MPZL1: variants seen among roughly 807,000 people sequenced by gnomAD.
The protein encoded by MPZL1 is myelin protein zero-like protein 1.
In MPZL1, 16 loss-of-function variants were observed where a neutral mutation model predicts 29.3. The observed-to-expected ratio is 0.55, with a 90% confidence interval of 0.37 to 0.83. MPZL1 has a LOEUF of 0.83. MPZL1 is among the 40% of genes least tolerant of loss of function. The pLI is 0.00. For synonymous variants in MPZL1, 143 were observed against 132.0 expected, an observed-to-expected ratio of 1.08 and a Z score of -0.57; for missense variants, 279 against 332.9, an observed-to-expected ratio of 0.84 and a Z score of 1.26.
chr1:167,773,171 A>T, intron 3 of MPZL1, 65 bp from the exon 4 acceptor site: 1 of 1,507,252 alleles, frequency 6.6e-7, no homozygotes. Flanking sequence ...TCGTTAATTT[A>T]ATAAAATTCC....
chr1:167,776,360 A>G (rs1661368678), intron 5 of MPZL1, among the ~76,000 whole-genome samples, 194 bp downstream of exon 5: 1 of 152,206 alleles, frequency 6.6e-6, no homozygotes, highest in Non-Finnish European at 1.5e-5. Context: ...TGTGGTGAAG[A>G]ATCTGCTTGA....
intron 1 of MPZL1, among the ~76,000 whole-genome samples, chr1:167,758,645 G>T (rs1207810634): frequency 1.3e-5 from 2 of 151,958 alleles, no homozygotes; most frequent in African/African-American, 4.8e-5. Context: ...TGATTCCACA[G>T]ACTTTTTGAT....
chr1:167,769,857 G>A (rs1237832015), intron 2 of MPZL1, among the ~76,000 whole-genome samples: 1 of 152,160 alleles, frequency 6.6e-6, no homozygotes, highest in Non-Finnish European at 1.5e-5. Context: ...TATTGTCAGT[G>A]GGAACCGAAT....
At chr1:167,766,859 T>C (rs1360900134) in intron 2 of MPZL1, among the ~76,000 whole-genome samples, 1 of 152,226 alleles carries the variant, frequency 6.6e-6, no homozygotes, top group Non-Finnish European at 1.5e-5. Flanking sequence ...TATTTCTCTC[T>C]CAGGTAGAAA....
chr1:167,747,865 C>T (rs1047634048), intron 1 of MPZL1, among the ~76,000 whole-genome samples: 2 of 152,100 alleles, frequency 1.3e-5, no homozygotes, highest in African/African-American at 4.8e-5. Flanking sequence ...AATATTAGAA[C>T]ACTTTCATCA....
chr1:167,743,757 T>C (rs1207211975), intron 1 of MPZL1, among the ~76,000 whole-genome samples: 2 of 152,086 alleles, frequency 1.3e-5, no homozygotes, highest in African/African-American at 2.4e-5. Context: ...TACATTAATT[T>C]TGCATCTGGA....
At position 167,763,855 on chromosome 1, in the gene MPZL1, G is replaced by GA. The variant is rs1406367984; in HGVS notation, c.92-1719dup. ...TAATAATAATCCACCCTCTTTCGCA[G>GA]AAAAAAAAATCTGCTTGATGCAGTA... On this transcript the variant is annotated intron_variant, in intron 1 of 5. Transcript: ENST00000359523. 4.0e-5 allele frequency among the ~76,000 whole-genome samples: 6 copies of GA among 151,482 alleles called. No homozygotes were observed. In the East Asian group the frequency reaches 7.7e-4, roughly 20 times the overall value.
chr1:167,748,316 C>T (rs2101765134), intron 1 of MPZL1, among the ~76,000 whole-genome samples: 1 of 152,254 alleles, frequency 6.6e-6, no homozygotes, highest in East Asian at 1.9e-4. Flanking sequence ...TTAGTGCCAT[C>T]TTTTTGATAT....
chr1:167,786,420 T>G (rs747446545), intron 5 of MPZL1, among the ~76,000 whole-genome samples: 5 of 152,216 alleles, frequency 3.3e-5, no homozygotes, highest in Non-Finnish European at 2.9e-5. Flanking sequence ...AACAAAAATG[T>G]AGATATTATT....
At chr1:167,765,387 A>G in intron 1 of MPZL1, 196 bp from the exon 2 acceptor site, 1 of 357,934 alleles carries the variant, frequency 2.8e-6, no homozygotes, top group Non-Finnish European at 5.0e-6. Context: ...ACAAACCTAA[A>G]CTGTCAGCAA....
intron 1 of MPZL1, among the ~76,000 whole-genome samples, chr1:167,731,752 A>C (rs1025224915): frequency 2.1e-5 from 3 of 144,386 alleles, no homozygotes; most frequent in African/African-American, 5.0e-5. Context: ...ACTGTGTCTC[A>C]AAAAAAAAAA....
intron 3 of MPZL1, 73 bp from the exon 4 acceptor site, chr1:167,773,163 G>A (rs1039148410): frequency 4.3e-5 from 64 of 1,479,302 alleles, no homozygotes; most frequent in Admixed American, 1.3e-4. Flanking sequence ...ATACTTGCTC[G>A]TTAATTTAAT....
At chr1:167,743,590 C>G in intron 1 of MPZL1, among the ~76,000 whole-genome samples, 1 of 146,096 alleles carries the variant, frequency 6.8e-6, no homozygotes, top group East Asian at 2.1e-4. Context: ...CAGCAGTGTT[C>G]TGTAGTTTTC....
rs916832443 is a variant in MPZL1, at chr1:167,759,164, C to T, written c.92-6419C>T. Among the ~76,000 whole-genome samples the T allele has an allele frequency of 2.6e-5, 4 of 152,236 alleles. No homozygotes were observed. The East Asian group carries it at 7.7e-4, about 29-fold the overall frequency. ...TGCCATAATTATAAATCCTTGGCCT[C>T]AAAGAAACCTATTTAATATCTTATT... On this transcript the variant is annotated intron_variant, in intron 1 of 5. Transcript: ENST00000359523.
intron 5 of MPZL1, among the ~76,000 whole-genome samples, chr1:167,776,772 A>T (rs1159302828): frequency 6.6e-6 from 1 of 152,236 alleles, no homozygotes; most frequent in East Asian, 1.9e-4. Flanking sequence ...TATTTTAATT[A>T]TAACTGTGGC....
intron 1 of MPZL1, among the ~76,000 whole-genome samples, chr1:167,735,114 G>A (rs993679911): frequency 8.5e-5 from 13 of 152,126 alleles, no homozygotes; most frequent in Admixed American, 5.2e-4. Context: ...GCTCAAGCTG[G>A]GAATTTGAAT....
At chr1:167,752,818 T>G (rs1375352850) in intron 1 of MPZL1, among the ~76,000 whole-genome samples, 2 of 152,214 alleles carry the variant, frequency 1.3e-5, no homozygotes, top group East Asian at 3.8e-4. Context: ...AAAAAAATAG[T>G]GCTTATATGT....
chr1:167,752,465 C>T (rs1395845448), intron 1 of MPZL1, among the ~76,000 whole-genome samples: 1 of 152,164 alleles, frequency 6.6e-6, no homozygotes, highest in Non-Finnish European at 1.5e-5. Flanking sequence ...TTGTTGTACA[C>T]ATTCTTGTGT....
At chr1:167,771,075 A>G (rs1471741899) in intron 2 of MPZL1, among the ~76,000 whole-genome samples, 2 of 151,082 alleles carry the variant, frequency 1.3e-5, no homozygotes, top group African/African-American at 4.9e-5. Context: ...GTCATAGGAT[A>G]ATAGTGGAGA....
Sources: allele counts gnomAD v4.1 joint callset (sites outside exome capture counted in the v4.1 genomes callset), GRCh38; gene constraint gnomAD v4.1.1; transcripts MANE v1.5; gene names NCBI Gene and HGNC (gene_info 2026-07-23, HGNC 2026-07-21).